Variants in TACR3 observed in about 807,000 individuals in gnomAD.
TACR3 encodes the protein tachykinin receptor 3, also known as neuromedin-K receptor.
Under a neutral mutation model 35.0 loss-of-function variants are expected in TACR3, and 34 were observed. The observed-to-expected ratio is 0.97, with a 90% CI of 0.74 to 1.30. The LOEUF is 1.30. Among genes scored for constraint, TACR3 ranks in the 50% most tolerant of loss-of-function variants. TACR3 has a pLI of 0.00. For synonymous variants in TACR3, 233 were observed against 221.1 expected (o/e 1.05, Z -0.48); for missense variants, 558 against 591.7 (o/e 0.94, Z 0.59).
intron 3 of TACR3, among the ~76,000 whole-genome samples, chr4:103,591,989 CAG>C (rs1723908036): frequency 6.6e-6 from 1 of 152,084 alleles, no homozygotes; most frequent in African/African-American, 2.4e-5. Context: ...GAGCCTGGAA[CAG>C]AGAGAGATAG....
intron 3 of TACR3, among the ~76,000 whole-genome samples, chr4:103,611,854 TCA>T (rs1724519551): frequency 6.6e-6 from 1 of 152,216 alleles, no homozygotes; most frequent in South Asian, 2.1e-4. Flanking sequence ...TTGGTTTTCC[TCA>T]TTTTCACTGC....
rs1178555293 is a variant in TACR3, at chr4:103,588,383, T to G, written c.*1299A>C. The G allele has an allele frequency of 6.6e-6, 1 of 152,098 alleles. No homozygotes were observed. Among genetic ancestry groups the G allele is most frequent in the Non-Finnish European group, 1.5e-5 (1 of 67,962 alleles). The allele number at this position is 152,098 out of a possible 1,614,324, so 9.4% of individuals were successfully genotyped here. A position where few individuals can be genotyped will look rare whatever the true frequency, so the allele number is the denominator to read the frequency against. On this transcript the variant is annotated 3_prime_UTR_variant, in exon 5 of 5. Coordinates refer to ENST00000304883, the MANE Select transcript of TACR3 (RefSeq NM_001059.3). Reference sequence around the variant, plus strand: ...TCAAGGAAAGATGATCTGTAAGCACTGAGGCCTGGATGTTACTTTTTACAC... The same window carrying G: ...TCAAGGAAAGATGATCTGTAAGCACGGAGGCCTGGATGTTACTTTTTACAC...
chr4:103,656,118 T>A (rs1578245564), intron 3 of TACR3, 76 bp downstream of exon 3: 1 of 1,542,024 alleles, frequency 6.5e-7, no homozygotes, highest in East Asian at 2.3e-5. Context: ...TGTATTAACA[T>A]GCCATGACTA....
At chr4:103,650,150 A>G (rs1322320512) in intron 3 of TACR3, among the ~76,000 whole-genome samples, 1 of 152,044 alleles carries the variant, frequency 6.6e-6, no homozygotes, top group African/African-American at 2.4e-5. Flanking sequence ...ATTTCCAGAC[A>G]GAGGCTCTTG....
In TACR3 at chr4:103,629,247, T is replaced by A. The variant is rs554470546; in HGVS notation, c.888+26947A>T. On this transcript the variant is annotated intron_variant, in intron 3 of 4. Transcript: ENST00000304883. ...ACTGGCACAAGACAAGGATGCCCTC[T>A]CTCAACACTCCTATTCAACATAGTG... 1.1e-3 allele frequency among the ~76,000 whole-genome samples: 161 copies of A among 152,218 alleles called. 1 individual carries two copies. Among genetic ancestry groups the A allele is most frequent in the Admixed American group, 1.6e-3 (24 of 15,286 alleles).
intron 1 of TACR3, 72 bp from the exon 2 acceptor site, chr4:103,658,475 A>G: frequency 6.9e-7 from 1 of 1,440,440 alleles, no homozygotes; most frequent in Non-Finnish European, 9.7e-7. Context: ...TTTCAAAGGT[A>G]TTTCAAAGGC....
intron 3 of TACR3, among the ~76,000 whole-genome samples, chr4:103,623,623 C>G (rs900286562): frequency 2.0e-5 from 3 of 152,018 alleles, no homozygotes; most frequent in Admixed American, 6.6e-5. Flanking sequence ...CTGCCTAAAT[C>G]CTAGGCAGTC....
In TACR3 at chr4:103,680,548, CAT is replaced by C. The variant is rs376263612; in HGVS notation, c.549-22147_549-22146del. Reference sequence around the variant, plus strand: ...ACACATATATATACATATATATACACATATATATATCACTTAATATATATATT... The same window carrying C: ...ACACATATATATACATATATATACACATATATATCACTTAATATATATATT... On this transcript the variant is annotated intron_variant, in intron 1 of 4. Transcript: ENST00000304883. Among the ~76,000 whole-genome samples the C allele has an allele frequency of 5.8e-3, 861 of 148,784 alleles. 6 individuals are homozygous for C. Among genetic ancestry groups the C allele is most frequent in the Non-Finnish European group, 8.7e-3 (587 of 67,118 alleles).
rs776385419 is a variant in TACR3, at chr4:103,589,951, T to G, written c.1129A>C (p.Ile377Leu). 5.6e-6 allele frequency: 9 copies of G among 1,613,902 alleles called. No homozygotes were observed. The highest frequency in any genetic ancestry group is 6.8e-6 in the Non-Finnish European group (8 of 1,179,864). The change falls in exon 5 of 5, where the codon ATC becomes CTC. Residue 377 changes from isoleucine to leucine, a missense_variant. Transcript: ENST00000304883. ...AGCTCATCATAGCTGGAAACTTTGA[T>G]GAAAGGACACCAGCGAAATGCTCTC... ...FKRAFRWCPF[I>L]KVSSYDELEL...
chr4:103,654,457 C>A (rs10020469), intron 3 of TACR3, among the ~76,000 whole-genome samples: 64,367 of 146,708 alleles, frequency 0.44, 17,153 homozygotes, highest in African/African-American at 0.77. Flanking sequence ...CAAAAATCCA[C>A]ACACCGCATG....
At position 103,589,622 on chromosome 4, in the gene TACR3, T is replaced by C; in HGVS notation, c.*60A>G. 1 of 1,596,078 alleles carries C rather than the reference T, an allele frequency of 6.3e-7. No individual in the cohort carries two copies. Among genetic ancestry groups the C allele is most frequent in the Non-Finnish European group, 8.6e-7 (1 of 1,164,880 alleles). ...AGGACAGGACTGGTAAATAGGAGAA[T>C]GGGGTCCTAGACTGGCACCATGATG... On this transcript the variant is annotated 3_prime_UTR_variant, in exon 5 of 5. Transcript: ENST00000304883.
chr4:103,626,966 A>G (rs1724905446), intron 3 of TACR3, among the ~76,000 whole-genome samples: 1 of 151,450 alleles, frequency 6.6e-6, no homozygotes, highest in South Asian at 2.1e-4. Context: ...CGAGGCCAGG[A>G]GTTGGAGACC....
intron 1 of TACR3, among the ~76,000 whole-genome samples, chr4:103,683,979 A>G (rs1400758829): frequency 1.3e-5 from 2 of 152,110 alleles, no homozygotes; most frequent in South Asian, 2.1e-4. Flanking sequence ...CCAAAAACCA[A>G]TTTAAATATA....
intron 1 of TACR3, among the ~76,000 whole-genome samples, chr4:103,695,853 G>A (rs1173889536): frequency 6.6e-6 from 1 of 151,946 alleles, no homozygotes; most frequent in Non-Finnish European, 1.5e-5. Flanking sequence ...TCAGGAATGG[G>A]AATTGAGTTA....
chr4:103,607,456 T>G (rs1322787169), intron 3 of TACR3, among the ~76,000 whole-genome samples: 1 of 151,854 alleles, frequency 6.6e-6, no homozygotes, highest in African/African-American at 2.4e-5. Flanking sequence ...AAAATATTAT[T>G]TAAAATAAAT....
At chr4:103,600,166 T>C (rs904649477) in intron 3 of TACR3, among the ~76,000 whole-genome samples, 3 of 152,192 alleles carry the variant, frequency 2.0e-5, no homozygotes, top group African/African-American at 7.2e-5. Context: ...ATTCAACTTC[T>C]TCCTGGTTTA....
chr4:103,587,964 G>A lies in TACR3; in HGVS notation c.*1718C>T, dbSNP rs1018002895. The A allele has an allele frequency of 6.6e-6, 1 of 151,192 alleles. No homozygotes were observed. The highest frequency in any genetic ancestry group is 2.5e-5 in the African/African-American group (1 of 40,774). 9.4% of individuals were successfully genotyped at this position (151,192 alleles called of 1,614,324 possible). A position where few individuals can be genotyped will look rare whatever the true frequency, so the allele number is the denominator to read the frequency against. ...TTGCATTCATTAAATGATTGAATGT[G>A]TAGGCACATTTGTATGTGTGTGTGT... On this transcript the variant is annotated 3_prime_UTR_variant, in exon 5 of 5. Coordinates refer to ENST00000304883, the MANE Select transcript of TACR3 (RefSeq NM_001059.3).
chr4:103,698,367 T>C (rs765303516), intron 1 of TACR3, among the ~76,000 whole-genome samples: 11 of 152,080 alleles, frequency 7.2e-5, no homozygotes, highest in Non-Finnish European at 1.5e-4. Flanking sequence ...CATCTTTTGT[T>C]TGATTTCTTC....
intron 3 of TACR3, among the ~76,000 whole-genome samples, chr4:103,628,146 G>C (rs1724949235): frequency 6.6e-6 from 1 of 152,212 alleles, no homozygotes; most frequent in African/African-American, 2.4e-5. Context: ...ATTTGAAGCA[G>C]TGTGTAGAGG....
Sources: gnomAD v4.1 joint callset for allele counts (sites outside exome capture counted in the v4.1 genomes callset) on GRCh38, gnomAD v4.1.1 for gene constraint, MANE v1.5 for transcripts, NCBI Gene and HGNC (gene_info 2026-07-23, HGNC 2026-07-21) for gene names.